Variants in WIPI2 observed in about 807,000 individuals in gnomAD.
The protein encoded by WIPI2 is WD repeat domain, phosphoinositide interacting 2, also known as WD repeat domain phosphoinositide-interacting protein 2.
In WIPI2, 28 loss-of-function variants were observed where a neutral mutation model predicts 52.3. That is an observed-to-expected ratio of 0.54 (90% CI 0.40 to 0.73). The LOEUF is 0.73. Among genes scored for constraint, WIPI2 ranks in the 30% least tolerant of loss-of-function variants. The probability of loss-of-function intolerance (pLI) is 0.00; values close to 1 mark genes in which losing one functional copy is unlikely to be tolerated. For synonymous variants in WIPI2, 268 were observed against 245.0 expected (o/e 1.09, Z -0.88); for missense variants, 506 against 602.9 (o/e 0.84, Z 1.68).
intron 8 of WIPI2, among the ~76,000 whole-genome samples, chr7:5,223,349 C>T (rs1305988941): frequency 2.0e-5 from 3 of 152,224 alleles, no homozygotes; most frequent in Non-Finnish European, 2.9e-5. Context: ...ATCAGTACCT[C>T]CCTCCCTGAA....
In WIPI2 at chr7:5,217,166, G is replaced by C; in HGVS notation, c.555G>C (p.Gln185His). The change falls in exon 6 of 13, where the codon CAG becomes CAC. Residue 185 changes from glutamine to histidine, a missense_variant. By Grantham distance (24) the Gln-to-His change is conservative (BLOSUM62 0). This residue lies in a region of WIPI2 where 237 missense variants were observed against 346.9 expected (regional missense o/e 0.68). Coordinates refer to ENST00000288828, the MANE Select transcript of WIPI2 (RefSeq NM_015610.4). ...GGAGCGCGACCATCGGAGAGGTGCA[G>C]GTCTTCGATACCATTAATTTGGTGA... ...YPGSATIGEV[Q>H]VFDTINLRAA... is the part of the protein sequence containing the mutation. 1 of 1,614,162 alleles carries C rather than the reference G, an allele frequency of 6.2e-7. No homozygotes were observed. The highest frequency in any genetic ancestry group is 8.5e-7 in the Non-Finnish European group (1 of 1,180,024).
rs1361618835 is a variant in WIPI2 at position 5,232,609 on chromosome 7, T to C, written c.*1662T>C. 12 of 315,780 alleles carry C rather than the reference T, an allele frequency of 3.8e-5. No homozygotes were observed. The highest frequency in any genetic ancestry group is 5.7e-5 in the Non-Finnish European group (10 of 174,012). 19.6% of individuals were successfully genotyped at this position (315,780 alleles called of 1,614,324 possible). A position where few individuals can be genotyped will look rare whatever the true frequency, so the allele number is the denominator to read the frequency against. On this transcript the variant is annotated 3_prime_UTR_variant, in exon 13 of 13. Coordinates refer to ENST00000288828, the MANE Select transcript of WIPI2 (RefSeq NM_015610.4). ...AGAGTGGGCTATGCTTGAGCAGGGA[T>C]GAGAAGGGCCGCGGCAGCACGCAGC...
rs138840107 is a variant in WIPI2, at chr7:5,193,159, G to C, written c.116G>C (p.Arg39Pro). Reference protein sequence around the residue: ...GASRAAGLGRRAVVWSLAVGS... With the variant: ...GASRAAGLGRPAVVWSLAVGS... ...TCAAGAGCAGCTGGTCTTGGCCGTC[G>C]CGCTGTTGTCTGGTTAGTTCCAACC... Residue 39 changes from arginine to proline, a missense_variant, in exon 2 of 13, where the codon CGC becomes CCC. Physicochemically the swap from Arg to Pro is moderately radical, Grantham distance 103 (BLOSUM62 -2). Around this residue, in one of 4 missense-constraint regions of WIPI2, gnomAD observed 60 missense variants for 49.7 expected, o/e 1.21. Coordinates refer to ENST00000288828, the MANE Select transcript of WIPI2 (RefSeq NM_015610.4). 1 of 1,613,650 alleles carries C rather than the reference G, an allele frequency of 6.2e-7. No individual in the cohort carries two copies. Among genetic ancestry groups the C allele is most frequent in the South Asian group, 1.1e-5 (1 of 91,056 alleles).
chr7:5,222,240 C>G (rs1389427272), intron 7 of WIPI2, among the ~76,000 whole-genome samples: 1 of 152,222 alleles, frequency 6.6e-6, no homozygotes, highest in Non-Finnish European at 1.5e-5. Flanking sequence ...TGAGCCACCA[C>G]GCCCGGCCCA....
intron 4 of WIPI2, among the ~76,000 whole-genome samples, chr7:5,215,509 A>C (rs1782770824): frequency 6.6e-6 from 1 of 152,208 alleles, no homozygotes; most frequent in Non-Finnish European, 1.5e-5. Context: ...GCCCAGGGTA[A>C]CAGCACCACC....
At chr7:5,221,382 T>C (rs1299924449) in intron 7 of WIPI2, among the ~76,000 whole-genome samples, 2 of 152,200 alleles carry the variant, frequency 1.3e-5, no homozygotes, top group East Asian at 1.9e-4. Context: ...AGCCTAGATA[T>C]TCTTAACAGT....
intron 4 of WIPI2, among the ~76,000 whole-genome samples, chr7:5,215,986 C>A (rs1219464172): frequency 2.6e-5 from 4 of 152,212 alleles, no homozygotes; most frequent in Admixed American, 6.5e-5. Flanking sequence ...CAAATCTATT[C>A]ACAGCACACT....
At chr7:5,208,236 G>T (rs1259108784) in intron 3 of WIPI2, among the ~76,000 whole-genome samples, 1 of 152,114 alleles carries the variant, frequency 6.6e-6, no homozygotes, top group Non-Finnish European at 1.5e-5. Flanking sequence ...GTCTGTTCCA[G>T]TCTTTTGTTG....
In WIPI2 at chr7:5,216,891, T is replaced by G. The variant is rs542596319; in HGVS notation, c.479-199T>G. 7.1e-5 allele frequency: 50 copies of G among 706,954 alleles called. No homozygotes were observed. In the African/African-American group the frequency reaches 7.5e-4, roughly 11 times the overall value. The allele number at this position is 706,954 out of a possible 1,614,324, so 43.8% of individuals were successfully genotyped here. On this transcript the variant is annotated intron_variant, in intron 5 of 12. Coordinates refer to ENST00000288828, the MANE Select transcript of WIPI2 (RefSeq NM_015610.4). ...TACTGATCAGTTCAAACCAAAGGCCTTTAATCTCTTGACAATACTGGTATC... is the reference window on the plus strand; with the variant it reads ...TACTGATCAGTTCAAACCAAAGGCCGTTAATCTCTTGACAATACTGGTATC...
chr7:5,210,713 G>C (rs987631522), intron 3 of WIPI2, among the ~76,000 whole-genome samples: 1 of 152,202 alleles, frequency 6.6e-6, no homozygotes, highest in African/African-American at 2.4e-5. Context: ...GATTCTTGTT[G>C]TTCACAGTTC....
At chr7:5,218,737 G>A (rs933061812) in intron 7 of WIPI2, 2 of 152,178 alleles carry the variant, frequency 1.3e-5, no homozygotes, top group Non-Finnish European at 2.9e-5. Context: ...GAGGCTCCCT[G>A]GCCCCCAGGA....
In WIPI2 at chr7:5,230,845, C is replaced by T. The variant is rs201024337; in HGVS notation, c.1263C>T (p.Asp421=). The change falls in exon 13 of 13, where the codon GAC becomes GAT. Residue 421 remains aspartate, a synonymous_variant. Coordinates refer to ENST00000288828, the MANE Select transcript of WIPI2 (RefSeq NM_015610.4). The surrounding 1 kb of genome is among the most constrained non-coding windows in gnomAD (Gnocchi z 4.8). The part of the protein sequence containing the change: ...PSSPTRLAYT[D]DLGAVGGACL... ...GTCGTCTCTTTGCAGCCTACACAGA[C>T]GACCTGGGTGCTGTGGGTGGCGCCT... is the stretch of plus-strand genomic sequence containing the variant. 72 of 1,613,470 alleles carry T rather than the reference C, an allele frequency of 4.5e-5. No homozygotes were observed. In the East Asian group the frequency reaches 9.4e-4, roughly 21 times the overall value.
chr7:5,210,577 A>T (rs1056008675), intron 3 of WIPI2, among the ~76,000 whole-genome samples: 7 of 152,224 alleles, frequency 4.6e-5, no homozygotes, highest in Non-Finnish European at 7.3e-5. Flanking sequence ...TTACCACTGT[A>T]TACTTGGGAT....
chr7:5,200,090 C>T (rs979128410), intron 3 of WIPI2, among the ~76,000 whole-genome samples: 1 of 152,208 alleles, frequency 6.6e-6, no homozygotes, highest in East Asian at 1.9e-4. Context: ...CGGAGAGGCG[C>T]ATGGAACAGC....
At chr7:5,213,496 A>G (rs1312562605) in intron 3 of WIPI2, 2 of 152,266 alleles carry the variant, frequency 1.3e-5, no homozygotes, top group African/African-American at 2.4e-5. Context: ...ATTCACACAC[A>G]CAAGTACTTG....
intron 3 of WIPI2, among the ~76,000 whole-genome samples, chr7:5,203,625 C>A (rs566541848): frequency 9.2e-4 from 61 of 66,396 alleles, no homozygotes; most frequent in African/African-American, 3.4e-3. Context: ...TACGTTCAGC[C>A]TTTTTTTTTT....
At chr7:5,194,168 A>G (rs1445790318) in intron 2 of WIPI2, among the ~76,000 whole-genome samples, 1 of 149,934 alleles carries the variant, frequency 6.7e-6, no homozygotes, top group African/African-American at 2.4e-5. Context: ...GGGGATACTG[A>G]TGAGTTGGAA....
Position 5,217,023 on chromosome 7 carries a change from T to C in WIPI2, c.479-67T>C, listed in dbSNP as rs566559340. On this transcript the variant is annotated intron_variant, in intron 5 of 12. Coordinates refer to ENST00000288828, the MANE Select transcript of WIPI2 (RefSeq NM_015610.4). ...GCTCTGTTAAATGAATGCTGAATTATGTCTGACATCCAAGAAGGAACTCTC... is the reference window on the plus strand; with the variant it reads ...GCTCTGTTAAATGAATGCTGAATTACGTCTGACATCCAAGAAGGAACTCTC... 2.4e-4 allele frequency: 346 copies of C among 1,442,560 alleles called. 1 individual carries two copies. The highest frequency in any genetic ancestry group is 3.0e-4 in the Non-Finnish European group (312 of 1,036,244). 89.4% of individuals were successfully genotyped at this position (1,442,560 alleles called of 1,614,324 possible). A position where few individuals can be genotyped will look rare whatever the true frequency, so the allele number is the denominator to read the frequency against.
chr7:5,220,804 TC>T (rs1251956805), intron 7 of WIPI2, among the ~76,000 whole-genome samples: 1 of 151,802 alleles, frequency 6.6e-6, no homozygotes, highest in Admixed American at 6.6e-5. Flanking sequence ...TTTCTTTCTT[TC>T]TTTTTTTTGA....
Sources: gnomAD v4.1 joint callset for allele counts (sites outside exome capture counted in the v4.1 genomes callset) on GRCh38, gnomAD v4.1.1 for gene constraint, gnomAD v4.1.1 regional missense constraint, Gnocchi (gnomAD v3.1) non-coding constraint, MANE v1.5 for transcripts, NCBI Gene and HGNC (gene_info 2026-07-23, HGNC 2026-07-21) for gene names.